NCOA1: variants seen among roughly 807,000 people sequenced by gnomAD.
NCOA1 encodes the protein Hin-2 protein.
In NCOA1, 35 loss-of-function variants were observed where a neutral mutation model predicts 150.9. That is an observed-to-expected ratio of 0.23 (90% CI 0.18 to 0.31). NCOA1 has a LOEUF of 0.31. Among genes scored for constraint, NCOA1 ranks in the 10% least tolerant of loss-of-function variants. The probability of loss-of-function intolerance (pLI) is 1.00; values close to 1 mark genes in which losing one functional copy is unlikely to be tolerated. For missense variants in NCOA1, 1,491 were observed against 1,749.3 expected (o/e 0.85, Z 2.63); for synonymous variants, 590 against 630.0 (o/e 0.94, Z 0.95).
chr2:24,540,043 C>T (rs745318878), intron 1 of NCOA1, among the ~76,000 whole-genome samples: 15 of 152,134 alleles, frequency 9.9e-5, no homozygotes, highest in Non-Finnish European at 1.9e-4. Context: ...CTGTCTGTGA[C>T]GTGTTCTGCT....
chr2:24,698,092 AG>A (rs940174482), intron 11 of NCOA1, among the ~76,000 whole-genome samples: 6 of 152,174 alleles, frequency 3.9e-5, no homozygotes, highest in African/African-American at 1.4e-4. Flanking sequence ...ATAAGGTGCC[AG>A]GGATACAGTG....
intron 3 of NCOA1, among the ~76,000 whole-genome samples, chr2:24,640,475 A>G (rs1216787791): frequency 6.6e-6 from 1 of 152,110 alleles, no homozygotes; most frequent in East Asian, 1.9e-4. Flanking sequence ...AGTTCTGTTT[A>G]TGCTTCATTT....
chr2:24,769,308 T>G lies in NCOA1; in HGVS notation c.*917T>G, dbSNP rs1178903067. The G allele has an allele frequency of 5.3e-6, 1 of 189,132 alleles. No homozygotes were observed. Among genetic ancestry groups the G allele is most frequent in the East Asian group, 8.5e-5 (1 of 11,716 alleles). 11.7% of individuals were successfully genotyped at this position (189,132 alleles called of 1,614,324 possible). The stretch of plus-strand genomic sequence containing the variant: ...ATTTGATTTCTTGTAGAAATTGATT[T>G]CCTTCTGTTTAATTTTATGCTTTTA... On this transcript the variant is annotated 3_prime_UTR_variant, in exon 23 of 23. Transcript: ENST00000348332.
chr2:24,725,714 C>CGTGTGTGTGTGT (rs57720230), intron 14 of NCOA1, among the ~76,000 whole-genome samples: 29 of 148,990 alleles, frequency 1.9e-4, no homozygotes, highest in African/African-American at 6.8e-4. Context: ...CTAAAGTGTG[C>CGTGTGTGTGTGT]GTGTGTGTGT....
chr2:24,728,191 C>A, intron 15 of NCOA1, 117 bp from the exon 16 acceptor site: 1 of 745,464 alleles, frequency 1.3e-6, no homozygotes, highest in African/African-American at 1.8e-5. Flanking sequence ...ATTAGAATTG[C>A]CAAGCATCTC....
At chr2:24,663,844 G>A (rs1671293491) in intron 5 of NCOA1, among the ~76,000 whole-genome samples, 1 of 152,248 alleles carries the variant, frequency 6.6e-6, no homozygotes, top group African/African-American at 2.4e-5. Flanking sequence ...CTGTCTGCGT[G>A]TCCTGCCTGT....
Position 24,764,613 on chromosome 2 carries a change from A to T in NCOA1, c.4155+1837A>T, listed in dbSNP as rs1408078155. On this transcript the variant is annotated intron_variant, in intron 22 of 22. Transcript: ENST00000348332. ...AACATAGTCCTGGGAAACCAAATCA[A>T]CTGAAGGTAAAGGGTTTATAATAAG... 3.3e-5 allele frequency among the ~76,000 whole-genome samples: 5 copies of T among 152,368 alleles called. No individual in the cohort carries two copies. In the South Asian group the frequency reaches 1.0e-3, roughly 32 times the overall value.
chr2:24,647,911 C>A (rs749175367), intron 4 of NCOA1, among the ~76,000 whole-genome samples: 13 of 152,218 alleles, frequency 8.5e-5, no homozygotes, highest in Non-Finnish European at 1.0e-4. Flanking sequence ...TCTGCATCTC[C>A]AGTTTAAAAT....
chr2:24,529,054 T>G (rs1229116551), intron 1 of NCOA1, among the ~76,000 whole-genome samples: 1 of 152,134 alleles, frequency 6.6e-6, no homozygotes, highest in African/African-American at 2.4e-5. Flanking sequence ...GCCTGGCTAA[T>G]TTTTTGTATA....
intron 1 of NCOA1, among the ~76,000 whole-genome samples, chr2:24,517,245 TGTGA>T (rs1040611708): frequency 2.2e-4 from 34 of 152,026 alleles, no homozygotes; most frequent in Admixed American, 9.8e-4. Context: ...TATTTTCTGC[TGTGA>T]GTGTCTTCCT....
At chr2:24,745,541 G>A (rs1663874428) in intron 19 of NCOA1, among the ~76,000 whole-genome samples, 1 of 152,138 alleles carries the variant, frequency 6.6e-6, no homozygotes, top group Non-Finnish European at 1.5e-5. Flanking sequence ...CACTTCATGG[G>A]TTCCTTCAAG....
chr2:24,753,790 A>G (rs900460543), intron 20 of NCOA1, among the ~76,000 whole-genome samples: 1 of 152,076 alleles, frequency 6.6e-6, no homozygotes, highest in African/African-American at 2.4e-5. Flanking sequence ...TGCATCACCC[A>G]TCTTACTATT....
intron 2 of NCOA1, among the ~76,000 whole-genome samples, chr2:24,565,747 G>A (rs756253195): frequency 1.1e-4 from 17 of 152,214 alleles, no homozygotes; most frequent in Admixed American, 2.6e-4. Context: ...GTGAGCAAGC[G>A]AGTGTGGGGT....
intron 1 of NCOA1, among the ~76,000 whole-genome samples, chr2:24,552,577 G>C (rs1665903948): frequency 6.6e-6 from 1 of 151,374 alleles, no homozygotes. Context: ...ATGTTAGCCA[G>C]GATGGCCTTG....
chr2:24,672,720 T>A (rs571404340), intron 6 of NCOA1, among the ~76,000 whole-genome samples: 1 of 152,350 alleles, frequency 6.6e-6, no homozygotes, highest in East Asian at 1.9e-4. Context: ...TGTTTTAAAG[T>A]GAAAATATGA....
intron 20 of NCOA1, among the ~76,000 whole-genome samples, chr2:24,755,124 T>C (rs1490490354): frequency 2.6e-5 from 4 of 152,222 alleles, no homozygotes; most frequent in Non-Finnish European, 4.4e-5. Flanking sequence ...AAACAACCCC[T>C]GCTGCCAAAT....
chr2:24,528,935 G>A (rs548093909), intron 1 of NCOA1, among the ~76,000 whole-genome samples: 5 of 152,158 alleles, frequency 3.3e-5, no homozygotes, highest in Admixed American at 6.5e-5. Flanking sequence ...TGCCCAGGCT[G>A]GAGTGCAGTG....
chr2:24,708,032 C>A, intron 13 of NCOA1, 144 bp downstream of exon 13: 1 of 1,054,440 alleles, frequency 9.5e-7, no homozygotes, highest in Non-Finnish European at 1.3e-6. Flanking sequence ...GTATCAATAA[C>A]TGATCACAGG....
intron 4 of NCOA1, 64 bp from the exon 5 acceptor site, chr2:24,658,597 C>G (rs1415287792): frequency 1.2e-5 from 15 of 1,224,652 alleles, no homozygotes; most frequent in Non-Finnish European, 8.4e-6. Flanking sequence ...GGGGAGCTTC[C>G]CTACCTTTAT....
Sources: gnomAD v4.1 joint callset for allele counts (sites outside exome capture counted in the v4.1 genomes callset) on GRCh38, gnomAD v4.1.1 for gene constraint, MANE v1.5 for transcripts, NCBI Gene and HGNC (gene_info 2026-07-23, HGNC 2026-07-21) for gene names.